MAGI1: variants seen among roughly 807,000 people sequenced by gnomAD.
The protein encoded by MAGI1 is membrane associated guanylate kinase, WW and PDZ domain containing 1.
A neutral mutation model predicts 139.9 loss-of-function variants in MAGI1; 58 were observed. That is an observed-to-expected ratio of 0.41 (90% CI 0.34 to 0.52). MAGI1 has a LOEUF of 0.52. Ranked by LOEUF, MAGI1 falls within the 20% of genes least tolerant of loss-of-function variation. The probability of loss-of-function intolerance (pLI) is 0.12; values close to 1 mark genes in which losing one functional copy is unlikely to be tolerated. For synonymous variants in MAGI1, 812 were observed against 737.9 expected, an observed-to-expected ratio of 1.10 and a Z score of -1.63; for missense variants, 1,874 against 1,901.6, an observed-to-expected ratio of 0.99 and a Z score of 0.27.
intron 1 of MAGI1, among the ~76,000 whole-genome samples, chr3:65,995,952 C>G (rs1222945600): frequency 6.6e-6 from 1 of 152,206 alleles, no homozygotes; most frequent in South Asian, 2.1e-4. Flanking sequence ...GAGCTATGAT[C>G]GTGCCACTGT....
At chr3:65,976,560 G>A (rs1251367252) in intron 1 of MAGI1, among the ~76,000 whole-genome samples, 1 of 152,170 alleles carries the variant, frequency 6.6e-6, no homozygotes, top group African/African-American at 2.4e-5. Flanking sequence ...GAACCTGGGA[G>A]GCAGAGGTTG....
chr3:66,020,385 A>C (rs1576485532), intron 1 of MAGI1, among the ~76,000 whole-genome samples: 1 of 152,308 alleles, frequency 6.6e-6, no homozygotes, highest in African/African-American at 2.4e-5. Context: ...AGCCAAAATC[A>C]CATCATTACA....
At chr3:65,794,021 A>G (rs144725150) in intron 1 of MAGI1, among the ~76,000 whole-genome samples, 2 of 152,322 alleles carry the variant, frequency 1.3e-5, no homozygotes, top group Admixed American at 6.5e-5. Context: ...TCGGAGCAAG[A>G]CAGCCACCAT....
chr3:65,865,532 T>C (rs949743147), intron 1 of MAGI1, among the ~76,000 whole-genome samples: 7 of 151,646 alleles, frequency 4.6e-5, no homozygotes, highest in Non-Finnish European at 1.0e-4. Flanking sequence ...GAGGCAGAGG[T>C]TGCACTGAGC....
At chr3:65,441,852 A>C (rs1356449175) in intron 8 of MAGI1, among the ~76,000 whole-genome samples, 1 of 152,186 alleles carries the variant, frequency 6.6e-6, no homozygotes, top group African/African-American at 2.4e-5. Context: ...GATGCTGGGC[A>C]TCTATTTTAT....
chr3:65,662,351 A>C (rs2086247497), intron 1 of MAGI1, among the ~76,000 whole-genome samples: 2 of 152,196 alleles, frequency 1.3e-5, no homozygotes, highest in African/African-American at 4.8e-5. Flanking sequence ...CTTTCCATAA[A>C]ATGCCAGACA....
chr3:65,386,244 A>G (rs973649438), intron 14 of MAGI1, among the ~76,000 whole-genome samples: 22 of 21,888 alleles, frequency 1.0e-3, no homozygotes, highest in Non-Finnish European at 2.6e-3. Context: ...TTTAGGCCAC[A>G]TGGAAAAAAA....
intron 2 of MAGI1, among the ~76,000 whole-genome samples, chr3:65,554,657 C>G (rs2080002201): frequency 6.6e-6 from 1 of 152,222 alleles, no homozygotes. Context: ...ACCCTTCTGT[C>G]CATCCAAGTC....
At chr3:65,864,975 G>T (rs2059672179) in intron 1 of MAGI1, among the ~76,000 whole-genome samples, 1 of 152,118 alleles carries the variant, frequency 6.6e-6, no homozygotes, top group Admixed American at 6.5e-5. Context: ...ATACACACCT[G>T]TAATTATGCC....
At chr3:65,871,770 T>C (rs138100650) in intron 1 of MAGI1, among the ~76,000 whole-genome samples, 2 of 152,366 alleles carry the variant, frequency 1.3e-5, no homozygotes, top group African/African-American at 4.8e-5. Context: ...ACTCAAAACC[T>C]TGCCCTTCAG....
At chr3:66,019,233 A>C (rs1217340171) in intron 1 of MAGI1, among the ~76,000 whole-genome samples, 1 of 152,206 alleles carries the variant, frequency 6.6e-6, no homozygotes, top group African/African-American at 2.4e-5. Context: ...GAATTCTGTG[A>C]GAACTAGAAG....
At chr3:65,498,902 G>T (rs1433170190) in intron 2 of MAGI1, 1 of 560,114 alleles carries the variant, frequency 1.8e-6, no homozygotes, top group East Asian at 1.5e-4. Flanking sequence ...CTACTGGCCT[G>T]GTCAGTACAG....
At chr3:65,751,710 G>T in intron 1 of MAGI1, among the ~76,000 whole-genome samples, 1 of 152,166 alleles carries the variant, frequency 6.6e-6, no homozygotes, top group East Asian at 1.9e-4. Flanking sequence ...TATGTGTGCA[G>T]ATTTACATAT....
intron 12 of MAGI1, among the ~76,000 whole-genome samples, chr3:65,428,579 T>C (rs1947240117): frequency 6.6e-6 from 1 of 152,180 alleles, no homozygotes; most frequent in Non-Finnish European, 1.5e-5. Context: ...AATAATCACA[T>C]ACCTATTCAC....
At chr3:65,716,071 G>A (rs1307040540) in intron 1 of MAGI1, among the ~76,000 whole-genome samples, 4 of 152,280 alleles carry the variant, frequency 2.6e-5, no homozygotes, top group East Asian at 3.9e-4. Flanking sequence ...CAAAAAAATC[G>A]TTTACAAAAT....
At chr3:66,013,393 ACT>A in intron 1 of MAGI1, among the ~76,000 whole-genome samples, 1 of 144,120 alleles carries the variant, frequency 6.9e-6, no homozygotes. Flanking sequence ...ATACAGTGAA[ACT>A]CTGTCTCAAA....
intron 1 of MAGI1, among the ~76,000 whole-genome samples, chr3:65,769,353 ATGT>A (rs1490358173): frequency 6.6e-6 from 1 of 152,126 alleles, no homozygotes; most frequent in Non-Finnish European, 1.5e-5. Flanking sequence ...GTAGAGCATG[ATGT>A]TGTGTACCTG....
At chr3:65,406,836 G>A (rs28513299) in intron 12 of MAGI1, among the ~76,000 whole-genome samples, 1 of 152,068 alleles carries the variant, frequency 6.6e-6, no homozygotes, top group Non-Finnish European at 1.5e-5. Flanking sequence ...GAGAGAGACA[G>A]AGAGAGTAGG....
At chr3:65,847,496 T>C (rs947152466) in intron 1 of MAGI1, among the ~76,000 whole-genome samples, 17 of 152,228 alleles carry the variant, frequency 1.1e-4, no homozygotes, top group Non-Finnish European at 1.2e-4. Context: ...CATATAATTC[T>C]AACTAACATA....
Sources: allele counts gnomAD v4.1 joint callset (sites outside exome capture counted in the v4.1 genomes callset), GRCh38; gene constraint gnomAD v4.1.1; transcripts MANE v1.5; gene names NCBI Gene and HGNC (gene_info 2026-07-23, HGNC 2026-07-21).